Variants in HNRNPLL observed in about 807,000 individuals in gnomAD.
HNRNPLL encodes heterogeneous nuclear ribonucleoprotein L like.
In HNRNPLL, 25 loss-of-function variants were observed where a neutral mutation model predicts 67.1. The observed-to-expected ratio is 0.37, with a 90% CI of 0.27 to 0.52. The LOEUF is 0.52. Ranked by LOEUF, HNRNPLL falls within the 20% of genes least tolerant of loss-of-function variation. The probability of loss-of-function intolerance (pLI) is 0.90; values close to 1 mark genes in which losing one functional copy is unlikely to be tolerated. For synonymous variants in HNRNPLL, 267 were observed against 241.7 expected, an observed-to-expected ratio of 1.10 and a Z score of -0.97; for missense variants, 542 against 673.9, an observed-to-expected ratio of 0.80 and a Z score of 2.17.
intron 1 of HNRNPLL, 36 bp from the exon 2 acceptor site, chr2:38,591,684 T>A (rs1379608417): frequency 6.8e-7 from 1 of 1,469,256 alleles, no homozygotes. Flanking sequence ...TAAAAAAATT[T>A]TAAGTCTAAG....
At chr2:38,590,677 T>C (rs1214749695) in intron 2 of HNRNPLL, among the ~76,000 whole-genome samples, 1 of 152,124 alleles carries the variant, frequency 6.6e-6, no homozygotes, top group Non-Finnish European at 1.5e-5. Flanking sequence ...CCTGCGTGAA[T>C]ACAAGGCACA....
rs1666551814 is a variant in HNRNPLL, at chr2:38,582,113, T to C, written c.688A>G (p.Ile230Val). The change falls in exon 5 of 13, where the codon ATA (isoleucine) becomes GTA (valine). Residue 230 changes from isoleucine to valine, a missense_variant. By Grantham distance (29) the Ile-to-Val change is conservative (BLOSUM62 3). This residue lies in a region of HNRNPLL where 415 missense variants were observed against 575.2 expected (regional missense o/e 0.72). Transcript: ENST00000449105. ...TTTAGTGTGCAACATCCAGCATATA[T>C]ATCAGCTCCATTGAGTGCTGCTTTA... ...KAKAALNGAD[I>V]YAGCCTLKIE... The C allele has an allele frequency of 6.2e-7, 1 of 1,614,040 alleles. No homozygotes were observed. Among genetic ancestry groups the C allele is most frequent in the Non-Finnish European group, 8.5e-7 (1 of 1,179,912 alleles).
intron 2 of HNRNPLL, among the ~76,000 whole-genome samples, chr2:38,591,239 G>A (rs922962170): frequency 4.6e-5 from 7 of 151,886 alleles, no homozygotes; most frequent in African/African-American, 1.7e-4. Flanking sequence ...CAGGACTCAC[G>A]GACTCATTTG....
At chr2:38,594,371 G>A (rs36057155) in intron 1 of HNRNPLL, among the ~76,000 whole-genome samples, 42,221 of 152,026 alleles carry the variant, frequency 0.28, 8,159 homozygotes, top group African/African-American at 0.56. Context: ...GGTTATGTAA[G>A]AGAATACCCT....
intron 1 of HNRNPLL, among the ~76,000 whole-genome samples, chr2:38,592,051 A>AT (rs537415549): frequency 6.2e-4 from 95 of 152,168 alleles, no homozygotes; most frequent in African/African-American, 2.2e-3. Flanking sequence ...AAAAGTAAAC[A>AT]TTTTTTTTAA....
At chr2:38,578,876 TC>T (rs1178238840) in intron 6 of HNRNPLL, among the ~76,000 whole-genome samples, 1 of 152,008 alleles carries the variant, frequency 6.6e-6, no homozygotes, top group Non-Finnish European at 1.5e-5. Context: ...ATTATGACTG[TC>T]CCCCCGACCC....
chr2:38,569,443 G>A, intron 9 of HNRNPLL, 109 bp from the exon 10 acceptor site: 1 of 701,296 alleles, frequency 1.4e-6, no homozygotes, highest in Admixed American at 2.5e-5. Flanking sequence ...ACCAAAAAAA[G>A]GCATACATAG....
chr2:38,567,657 C>A (rs898684549), intron 12 of HNRNPLL, among the ~76,000 whole-genome samples: 1 of 152,182 alleles, frequency 6.6e-6, no homozygotes, highest in South Asian at 2.1e-4. Flanking sequence ...CCCTCCTACA[C>A]TCACTGTACT....
In HNRNPLL at chr2:38,562,545, T is replaced by C. The variant is rs78064122; in HGVS notation, c.*1637A>G. On this transcript the variant is annotated 3_prime_UTR_variant, in exon 13 of 13. Transcript: ENST00000449105. Reference sequence around the variant, plus strand: ...AGGTATTTCAATTTTTCAAAAGAGGTAGAAAAGTATTTATAGGGGAAAAAA... The same window carrying C: ...AGGTATTTCAATTTTTCAAAAGAGGCAGAAAAGTATTTATAGGGGAAAAAA... 42 of 152,030 alleles carry C rather than the reference T, an allele frequency of 2.8e-4. No homozygotes were observed. Among genetic ancestry groups the C allele is most frequent in the Admixed American group, 2.4e-3 (37 of 15,248 alleles). The allele number at this position is 152,030 out of a possible 1,614,324, so 9.4% of individuals were successfully genotyped here. A position where few individuals can be genotyped will look rare whatever the true frequency, so the allele number is the denominator to read the frequency against.
Position 38,569,880 on chromosome 2 carries a change from C to T in HNRNPLL, c.1138G>A (p.Gly380Ser). The change falls in exon 9 of 13, where the codon GGT becomes AGT. Residue 380 changes from glycine to serine, a missense_variant. Coordinates refer to ENST00000449105, the MANE Select transcript of HNRNPLL (RefSeq NM_138394.4). ...GCTCTTTCTACAGCATACTCATCAC[C>T]CATTTCTACCAGTGCTGTACCAGGA... ...TIPGTALVEMGDEYAVERAVT... is the reference protein window; with the variant it reads ...TIPGTALVEMSDEYAVERAVT... 1.9e-6 allele frequency: 3 copies of T among 1,586,360 alleles called. No homozygotes were observed. Among genetic ancestry groups the T allele is most frequent in the Non-Finnish European group, 2.6e-6 (3 of 1,157,068 alleles).
intron 7 of HNRNPLL, among the ~76,000 whole-genome samples, chr2:38,574,559 T>A (rs1317135503): frequency 6.6e-6 from 1 of 151,822 alleles, no homozygotes; most frequent in African/African-American, 2.4e-5. Flanking sequence ...CTAAGTGAGT[T>A]ACTAAGAACT....
intron 6 of HNRNPLL, chr2:38,578,119 C>T: frequency 2.4e-6 from 1 of 422,474 alleles, no homozygotes; most frequent in Non-Finnish European, 4.9e-6. Context: ...CATATTATAT[C>T]ATGAATAGGT....
At position 38,581,869 on chromosome 2, in the gene HNRNPLL, T is replaced by A. The variant is rs371804095; in HGVS notation, c.802+44A>T. The A allele has an allele frequency of 3.2e-6, 4 of 1,261,984 alleles. No individual in the cohort carries two copies. In the African/African-American group the frequency reaches 5.9e-5, roughly 19 times the overall value. 78.2% of individuals were successfully genotyped at this position (1,261,984 alleles called of 1,614,324 possible). On this transcript the variant is annotated intron_variant, in intron 6 of 12. Coordinates refer to ENST00000449105, the MANE Select transcript of HNRNPLL (RefSeq NM_138394.4). ...AAAGAATCTAACTGCATATAAAAAT[T>A]TGTCAGCAGATCAAGTACATTCTAA...
chr2:38,572,158 C>T (rs1360690342), intron 8 of HNRNPLL, among the ~76,000 whole-genome samples: 2 of 152,116 alleles, frequency 1.3e-5, no homozygotes, highest in African/African-American at 2.4e-5. Flanking sequence ...TGTATTCTTG[C>T]CCAGTTACAC....
At position 38,602,626 on chromosome 2, in the gene HNRNPLL, TGGC is replaced by T. The variant is rs1439809302; in HGVS notation, c.-3_-1del. On this transcript the variant is annotated 5_prime_UTR_variant, in exon 1 of 13. Coordinates refer to ENST00000449105, the MANE Select transcript of HNRNPLL (RefSeq NM_138394.4). The stretch of plus-strand genomic sequence containing the variant: ...CTGGGGGAGGAAGAGGAGGAGGACA[TGGC>T]GGCGGCCGGAGGGACCGGCTGGCAG... 1.3e-6 allele frequency: 2 copies of T among 1,483,282 alleles called. No homozygotes were observed. The allele number at this position is 1,483,282 out of a possible 1,614,324, so 91.9% of individuals were successfully genotyped here. A position where few individuals can be genotyped will look rare whatever the true frequency, so the allele number is the denominator to read the frequency against.
At chr2:38,602,393 G>C (rs780123832) in intron 1 of HNRNPLL, 45 bp downstream of exon 1, 79 of 1,533,840 alleles carry the variant, frequency 5.2e-5, no homozygotes, top group Non-Finnish European at 6.3e-5. Context: ...CCTGCTTCCC[G>C]GGGAGCAGCC....
Position 38,562,643 on chromosome 2 carries a change from C to A in HNRNPLL, c.*1539G>T, listed in dbSNP as rs370696175. The A allele has an allele frequency of 1.3e-4, 20 of 152,180 alleles. No homozygotes were observed. The highest frequency in any genetic ancestry group is 4.8e-4 in the African/African-American group (20 of 41,552). The allele number at this position is 152,180 out of a possible 1,614,324, so 9.4% of individuals were successfully genotyped here. On this transcript the variant is annotated 3_prime_UTR_variant, in exon 13 of 13. Transcript: ENST00000449105. Reference sequence around the variant, plus strand: ...ATAAGAAACATACATAGCCCAGTATCGAACACAGTTCACACAGTTACCCTT... The same window carrying A: ...ATAAGAAACATACATAGCCCAGTATAGAACACAGTTCACACAGTTACCCTT...
At chr2:38,590,759 C>G (rs2148375030) in intron 2 of HNRNPLL, among the ~76,000 whole-genome samples, 1 of 152,268 alleles carries the variant, frequency 6.6e-6, no homozygotes, top group Middle Eastern at 3.4e-3. Flanking sequence ...ATAATCCCAG[C>G]ACTTCTGGAG....
Position 38,569,184 on chromosome 2 carries a change from A to C in HNRNPLL, c.1365T>G (p.Val455=). The C allele has an allele frequency of 6.2e-7, 1 of 1,613,422 alleles. No individual in the cohort carries two copies. Among genetic ancestry groups the C allele is most frequent in the African/African-American group, 1.3e-5 (1 of 75,014 alleles). ...ACAATGGAACATTATAATAATGCAAAACACAGGAGGGTGGCTGGATTATAT... is the reference window on the plus strand; with the variant it reads ...ACAATGGAACATTATAATAATGCAACACACAGGAGGGTGGCTGGATTATAT... ...SKNIIQPPSC[V]LHYYNVPLCV... The change falls in exon 10 of 13, where the codon GTT becomes GTG. Residue 455 remains valine, a synonymous_variant. Coordinates refer to ENST00000449105, the MANE Select transcript of HNRNPLL (RefSeq NM_138394.4).
Sources: gnomAD v4.1 joint callset for allele counts (sites outside exome capture counted in the v4.1 genomes callset) on GRCh38, gnomAD v4.1.1 for gene constraint, gnomAD v4.1.1 regional missense constraint, MANE v1.5 for transcripts, NCBI Gene and HGNC (gene_info 2026-07-23, HGNC 2026-07-21) for gene names.